KCTD4: variants seen among roughly 807,000 people sequenced by gnomAD.
KCTD4 encodes BTB/POZ domain-containing protein KCTD4.
Under a neutral mutation model 18.3 loss-of-function variants are expected in KCTD4, and 12 were observed. That is an observed-to-expected ratio of 0.66 (90% confidence interval 0.42 to 1.06). The LOEUF (loss-of-function observed/expected upper bound fraction) is 1.06, where lower values mean the gene tolerates loss of function less well. Ranked by LOEUF, KCTD4 falls within the 50% of genes least tolerant of loss-of-function variation. The probability of loss-of-function intolerance (pLI) is 0.00; values close to 1 mark genes in which losing one functional copy is unlikely to be tolerated. For synonymous variants in KCTD4, 124 were observed against 110.5 expected (o/e 1.12, Z -0.76); for missense variants, 250 against 303.4 (o/e 0.82, Z 1.31).
In KCTD4 at chr13:45,193,555, A is replaced by G; in HGVS notation, c.*233T>C. 2 of 471,206 alleles carry G rather than the reference A, an allele frequency of 4.2e-6. No individual in the cohort carries two copies. Among genetic ancestry groups the G allele is most frequent in the Non-Finnish European group, 7.5e-6 (2 of 268,384 alleles). 29.2% of individuals were successfully genotyped at this position (471,206 alleles called of 1,614,324 possible). ...AGCTTTCAGTCTTTATTTACAGTAT[A>G]TAGAAGGTTACTGTTTTCATTTTAG... On this transcript the variant is annotated 3_prime_UTR_variant, in exon 2 of 2. Transcript: ENST00000379108.
At chr13:45,197,969 G>A (rs1365943749) in intron 1 of KCTD4, among the ~76,000 whole-genome samples, 1 of 152,190 alleles carries the variant, frequency 6.6e-6, no homozygotes, top group African/African-American at 2.4e-5. Context: ...ATCTGCCTTT[G>A]CAGGCAAAAA....
chr13:45,194,453 C>T lies in KCTD4; in HGVS notation c.115G>A (p.Val39Ile), dbSNP rs1593483608. Reference protein sequence around the residue: ...NCKSTLMTLNVGGYLYITQKQ... With the variant: ...NCKSTLMTLNIGGYLYITQKQ... ...TGAGTAATGTATAAATATCCACCAA[C>T]GTTGAGGGTCATCAGTGTGGATTTG... The change falls in exon 2 of 2, where the codon GTT becomes ATT. Residue 39 changes from valine (V) to isoleucine (I), a missense_variant. Coordinates refer to ENST00000379108, the MANE Select transcript of KCTD4 (RefSeq NM_198404.3). The T allele has an allele frequency of 5.6e-6, 9 of 1,614,136 alleles. No homozygotes were observed. The highest frequency in any genetic ancestry group is 3.3e-5 in the South Asian group (3 of 91,084).
chr13:45,196,965 G>A (rs974413807), intron 1 of KCTD4, among the ~76,000 whole-genome samples: 3 of 151,914 alleles, frequency 2.0e-5, no homozygotes, highest in Admixed American at 6.6e-5. Context: ...ATGAGTGCTC[G>A]TTTCTGCAGG....
intron 1 of KCTD4, among the ~76,000 whole-genome samples, chr13:45,195,587 G>C (rs1872850480): frequency 6.6e-6 from 1 of 152,116 alleles, no homozygotes; most frequent in Non-Finnish European, 1.5e-5. Flanking sequence ...GCCTAACCTT[G>C]TTTTTCAACT....
At chr13:45,197,509 C>CAAA (rs1195927657) in intron 1 of KCTD4, among the ~76,000 whole-genome samples, 14 of 91,502 alleles carry the variant, frequency 1.5e-4, no homozygotes, top group African/African-American at 5.8e-4. Flanking sequence ...ACCCTGTCTC[C>CAAA]AAAAAAAAAA....
chr13:45,197,358 A>T (rs1293345394), intron 1 of KCTD4, among the ~76,000 whole-genome samples: 1 of 146,346 alleles, frequency 6.8e-6, no homozygotes, highest in Non-Finnish European at 1.5e-5. Flanking sequence ...AAAAAAAAAA[A>T]TTAGCTGGGG....
rs1301265695 is a variant in KCTD4, at chr13:45,193,730, G to A, written c.*58C>T. 1.3e-6 allele frequency: 2 copies of A among 1,490,094 alleles called. No homozygotes were observed. The highest frequency in any genetic ancestry group is 1.8e-6 in the Non-Finnish European group (2 of 1,106,084). 92.3% of individuals were successfully genotyped at this position (1,490,094 alleles called of 1,614,324 possible). A position where few individuals can be genotyped will look rare whatever the true frequency, so the allele number is the denominator to read the frequency against. ...TGTTATTTGGGATGTCTTTGATGCTGTGGTTTTCCGAAGCTTGCTGGCTGC... is the reference window on the plus strand; with the variant it reads ...TGTTATTTGGGATGTCTTTGATGCTATGGTTTTCCGAAGCTTGCTGGCTGC... On this transcript the variant is annotated 3_prime_UTR_variant, in exon 2 of 2. Coordinates refer to ENST00000379108, the MANE Select transcript of KCTD4 (RefSeq NM_198404.3).
intron 1 of KCTD4, among the ~76,000 whole-genome samples, chr13:45,196,979 G>T (rs1256667848): frequency 6.6e-6 from 1 of 151,924 alleles, no homozygotes; most frequent in East Asian, 1.9e-4. Context: ...CTGCAGGCTT[G>T]CCTGAACAGA....
In KCTD4 at chr13:45,194,031, C is replaced by T. The variant is rs1263742786; in HGVS notation, c.537G>A (p.Arg179=). The change falls in exon 2 of 2, where the codon AGG becomes AGA. Residue 179 remains arginine (R), a synonymous_variant. Transcript: ENST00000379108. ...AAAACTCCTCTGGAAATCCATCCAG[C>T]CTGCTTTTGGACACCAGAACAATGC... ...KSRIVLVSKS[R]LDGFPEEFSI... is the part of the protein sequence containing the mutation. 1.9e-6 allele frequency: 3 copies of T among 1,614,092 alleles called. No individual in the cohort carries two copies. Among genetic ancestry groups the T allele is most frequent in the Admixed American group, 1.7e-5 (1 of 60,012 alleles).
chr13:45,199,159 C>T (rs1873050268), intron 1 of KCTD4, among the ~76,000 whole-genome samples: 1 of 152,202 alleles, frequency 6.6e-6, no homozygotes, highest in Non-Finnish European at 1.5e-5. Context: ...GTCGTGTGAA[C>T]ATGTCATTGC....
Position 45,194,096 on chromosome 13 carries a change from A to G in KCTD4, c.472T>C (p.Phe158Leu). Residue 158 changes from phenylalanine (F) to leucine (L), a missense_variant, in exon 2 of 2, where the codon TTC becomes CTC. Coordinates refer to ENST00000379108, the MANE Select transcript of KCTD4 (RefSeq NM_198404.3). ...NHDRSQGLRI[F>L]CNAPDFISKI... is the part of the protein sequence containing the mutation. ...GATATGAAATCAGGAGCATTACAGA[A>G]GATTCTTAATCCTTGTGAACGATCG... 2.5e-6 allele frequency: 4 copies of G among 1,614,150 alleles called. No individual in the cohort carries two copies. Among genetic ancestry groups the G allele is most frequent in the Non-Finnish European group, 3.4e-6 (4 of 1,179,998 alleles).
chr13:45,195,574 A>G (rs545271465), intron 1 of KCTD4, among the ~76,000 whole-genome samples: 1 of 152,320 alleles, frequency 6.6e-6, no homozygotes, highest in African/African-American at 2.4e-5. Context: ...ATAAATCACC[A>G]AAGCCTAACC....
chr13:45,193,751 G>A lies in KCTD4; in HGVS notation c.*37C>T, dbSNP rs1872749202. The A allele has an allele frequency of 6.5e-7, 1 of 1,532,454 alleles. No homozygotes were observed. The highest frequency in any genetic ancestry group is 2.2e-5 in the Admixed American group (1 of 46,202). 94.9% of individuals were successfully genotyped at this position (1,532,454 alleles called of 1,614,324 possible). ...TGCTGTGGTTTTCCGAAGCTTGCTG[G>A]CTGCATGCTTGTTGCCTTTGTTCGT... is the stretch of plus-strand genomic sequence containing the variant. On this transcript the variant is annotated 3_prime_UTR_variant, in exon 2 of 2. Coordinates refer to ENST00000379108, the MANE Select transcript of KCTD4 (RefSeq NM_198404.3).
At chr13:45,198,908 T>C (rs898331168) in intron 1 of KCTD4, among the ~76,000 whole-genome samples, 5 of 152,352 alleles carry the variant, frequency 3.3e-5, no homozygotes, top group Middle Eastern at 3.4e-3. Flanking sequence ...GTCTAATTAT[T>C]GACATGTTTT....
intron 1 of KCTD4, among the ~76,000 whole-genome samples, chr13:45,195,970 T>TA (rs1872871798): frequency 6.6e-6 from 1 of 152,178 alleles, no homozygotes; most frequent in African/African-American, 2.4e-5. Flanking sequence ...TGTTAAAAGT[T>TA]AGACTTTAGT....
In KCTD4 at chr13:45,194,629, T is replaced by A. The variant is rs1293556996; in HGVS notation, c.-62A>T. On this transcript the variant is annotated 5_prime_UTR_variant, in exon 2 of 2. Transcript: ENST00000379108. ...TTTGAGATTTTTTAAAAAGAGACAC[T>A]ACCACACAAGCACGCCTTTATTCAG... is the stretch of plus-strand genomic sequence containing the variant. 3.5e-6 allele frequency: 5 copies of A among 1,419,156 alleles called. No individual in the cohort carries two copies. The highest frequency in any genetic ancestry group is 4.9e-6 in the Non-Finnish European group (5 of 1,029,212). The allele number at this position is 1,419,156 out of a possible 1,614,324, so 87.9% of individuals were successfully genotyped here. A position where few individuals can be genotyped will look rare whatever the true frequency, so the allele number is the denominator to read the frequency against.
rs551823576 is a variant in KCTD4 at position 45,193,990 on chromosome 13, A to G, written c.578T>C (p.Ile193Thr). ...CTTTATGAAGTATTTAAATTGGATG[A>G]TATTTGACGATATTGAAAACTCCTC... ...FPEEFSISSN[I>T]IQFKYFIKSE... Residue 193 changes from isoleucine to threonine, a missense_variant, in exon 2 of 2, where the codon ATC (isoleucine) becomes ACC (threonine). Coordinates refer to ENST00000379108, the MANE Select transcript of KCTD4 (RefSeq NM_198404.3). 30 of 1,613,998 alleles carry G rather than the reference A, an allele frequency of 1.9e-5. No individual in the cohort carries two copies. The East Asian group carries it at 6.7e-4, about 36-fold the overall frequency.
Position 45,194,488 on chromosome 13 carries a change from C to G in KCTD4, c.80G>C (p.Gly27Ala). The G allele has an allele frequency of 6.2e-7, 1 of 1,614,132 alleles. No homozygotes were observed. The highest frequency in any genetic ancestry group is 8.5e-7 in the Non-Finnish European group (1 of 1,179,976). The stretch of plus-strand genomic sequence containing the variant: ...CATCAGTGTGGATTTGCAGTTCTTT[C>G]CTTGATCAGTATCTTCCAGGCTGTT... ...KHNSLEDTDQGKNCKSTLMTL... is the reference protein window; with the variant it reads ...KHNSLEDTDQAKNCKSTLMTL... The change falls in exon 2 of 2, where the codon GGA becomes GCA. Residue 27 changes from glycine (G) to alanine (A), a missense_variant. By Grantham distance (60) the Gly-to-Ala change is moderately conservative. Coordinates refer to ENST00000379108, the MANE Select transcript of KCTD4 (RefSeq NM_198404.3).
At chr13:45,195,974 C>T in intron 1 of KCTD4, among the ~76,000 whole-genome samples, 1 of 152,178 alleles carries the variant, frequency 6.6e-6, no homozygotes, top group African/African-American at 2.4e-5. Flanking sequence ...AAAAGTTAGA[C>T]TTTAGTTTAT....
Sources: allele counts gnomAD v4.1 joint callset (sites outside exome capture counted in the v4.1 genomes callset), GRCh38; gene constraint gnomAD v4.1.1; transcripts MANE v1.5; gene names NCBI Gene and HGNC (gene_info 2026-07-23, HGNC 2026-07-21).